CDKAL1: variants seen among roughly 807,000 people sequenced by gnomAD.
CDKAL1 encodes the protein threonylcarbamoyladenosine tRNA methylthiotransferase.
In CDKAL1, 32 loss-of-function variants were observed where a neutral mutation model predicts 68.2. That is an observed-to-expected ratio of 0.47 (90% CI 0.35 to 0.63). The LOEUF (loss-of-function observed/expected upper bound fraction) is 0.63, where lower values mean the gene tolerates loss of function less well. Ranked by LOEUF, CDKAL1 falls within the 30% of genes least tolerant of loss-of-function variation. The pLI is 0.00. For missense variants in CDKAL1, 606 were observed against 696.7 expected (o/e 0.87, Z 1.47); for synonymous variants, 234 against 244.3 (o/e 0.96, Z 0.39).
chr6:20,871,288 A>G (rs1183017838), intron 9 of CDKAL1, among the ~76,000 whole-genome samples: 3 of 152,184 alleles, frequency 2.0e-5, no homozygotes, highest in Middle Eastern at 3.2e-3. Flanking sequence ...TGTGTGTCTA[A>G]TAATTACCAT....
chr6:21,215,596 T>C (rs1433783220), intron 15 of CDKAL1, among the ~76,000 whole-genome samples: 1 of 152,114 alleles, frequency 6.6e-6, no homozygotes, highest in Admixed American at 6.6e-5. Flanking sequence ...TTTTAGGTAG[T>C]GAGTTGTAGA....
chr6:20,974,978 CAAAAAAAA>C lies in CDKAL1; in HGVS notation c.909+19409_909+19416del, dbSNP rs11330322. Reference sequence around the variant, plus strand: ...TGGGTGACAGAGGCAGACCCTATCTCAAAAAAAAAAAAAAAAAAAAAAAGGAAAGAAAC... The same window carrying C: ...TGGGTGACAGAGGCAGACCCTATCTCAAAAAAAAAAAAAAAGGAAAGAAAC... On this transcript the variant is annotated intron_variant, in intron 10 of 15. Transcript: ENST00000274695. Among the ~76,000 whole-genome samples, 3 of 62,914 alleles carry C rather than the reference CAAAAAAAA, an allele frequency of 4.8e-5. No individual in the cohort carries two copies. In the Admixed American group the frequency reaches 6.2e-4, roughly 13 times the overall value. The allele number at this position is 62,914 out of a possible 152,430, so 41.3% of individuals were successfully genotyped here. A position where few individuals can be genotyped will look rare whatever the true frequency, so the allele number is the denominator to read the frequency against.
rs540372585 is a variant in CDKAL1 at position 20,824,837 on chromosome 6, C to T, written c.639-21238C>T. The stretch of plus-strand genomic sequence containing the variant: ...GTCTGTTGTTAAGAGGCTCATATAA[C>T]ATTTTTATTAGAGCTATCTGTATAG... On this transcript the variant is annotated intron_variant, in intron 8 of 15. Coordinates refer to ENST00000274695, the MANE Select transcript of CDKAL1 (RefSeq NM_017774.3). 4.6e-5 allele frequency among the ~76,000 whole-genome samples: 7 copies of T among 152,214 alleles called. No individual in the cohort carries two copies. In the East Asian group the frequency reaches 1.4e-3, roughly 29 times the overall value.
At chr6:20,784,934 A>G (rs9348443) in intron 8 of CDKAL1, among the ~76,000 whole-genome samples, 63,190 of 152,020 alleles carry the variant, frequency 0.42, 13,581 homozygotes, top group South Asian at 0.5. Context: ...GCTTTAGGTA[A>G]CCATTTTCAA....
intron 8 of CDKAL1, among the ~76,000 whole-genome samples, chr6:20,784,468 G>C (rs1385150642): frequency 2.1e-5 from 2 of 96,562 alleles, no homozygotes; most frequent in African/African-American, 7.9e-5. Context: ...CTGTCACCCA[G>C]GCTGGAGTGC....
intron 10 of CDKAL1, among the ~76,000 whole-genome samples, chr6:20,992,153 A>G (rs1766856508): frequency 6.8e-6 from 1 of 147,244 alleles, no homozygotes; most frequent in South Asian, 2.1e-4. Flanking sequence ...TCAGCCTCCT[A>G]AATAGCTGGG....
At chr6:21,201,700 C>T (rs1440774826) in intron 15 of CDKAL1, among the ~76,000 whole-genome samples, 1 of 152,126 alleles carries the variant, frequency 6.6e-6, no homozygotes, top group Non-Finnish European at 1.5e-5. Flanking sequence ...ATCATATATG[C>T]AGTTATGGTG....
chr6:21,201,284 A>C lies in CDKAL1; in HGVS notation c.1548+10A>C, dbSNP rs754116285. 8 of 1,601,510 alleles carry C rather than the reference A, an allele frequency of 5.0e-6. No individual in the cohort carries two copies. The highest frequency in any genetic ancestry group is 1.1e-5 in the South Asian group (1 of 90,438). On this transcript the variant is annotated intron_variant, in intron 15 of 15. Coordinates refer to ENST00000274695, the MANE Select transcript of CDKAL1 (RefSeq NM_017774.3). ...CTCGGGTTTGACAAAGGTAAGTAAA[A>C]GATGCTCTCCTCTCTACCCTGCTAG...
At position 20,649,390 on chromosome 6, in the gene CDKAL1, T is replaced by A. The variant is rs1436037111; in HGVS notation, c.371+13T>A. The A allele has an allele frequency of 2.0e-6, 3 of 1,475,364 alleles. No homozygotes were observed. The Admixed American group carries it at 5.7e-5, about 28-fold the overall frequency. The allele number at this position is 1,475,364 out of a possible 1,614,324, so 91.4% of individuals were successfully genotyped here. A position where few individuals can be genotyped will look rare whatever the true frequency, so the allele number is the denominator to read the frequency against. ...GAAACTCAATTAAGTAAGTAGAAAT[T>A]GATTTTTTCCTATTTTGTATAATCA... On this transcript the variant is annotated intron_variant, in intron 5 of 15. Coordinates refer to ENST00000274695, the MANE Select transcript of CDKAL1 (RefSeq NM_017774.3).
At chr6:20,620,284 T>G (rs1767120089) in intron 4 of CDKAL1, among the ~76,000 whole-genome samples, 1 of 152,304 alleles carries the variant, frequency 6.6e-6, no homozygotes, top group South Asian at 2.1e-4. Flanking sequence ...CTCAAAGACT[T>G]TCTATTTTTA....
intron 13 of CDKAL1, among the ~76,000 whole-genome samples, chr6:21,135,007 A>C (rs1177057011): frequency 6.6e-6 from 1 of 152,148 alleles, no homozygotes; most frequent in Non-Finnish European, 1.5e-5. Context: ...TTGACAAACC[A>C]AACTATAAAG....
chr6:20,641,016 CT>C (rs1768148627), intron 4 of CDKAL1, among the ~76,000 whole-genome samples: 1 of 152,066 alleles, frequency 6.6e-6, no homozygotes, highest in African/African-American at 2.4e-5. Flanking sequence ...AATAATTTTT[CT>C]GTATATAAAG....
At chr6:21,162,499 G>T (rs1208145450) in intron 13 of CDKAL1, among the ~76,000 whole-genome samples, 2 of 152,202 alleles carry the variant, frequency 1.3e-5, no homozygotes, top group Non-Finnish European at 2.9e-5. Flanking sequence ...CTTGAGATTT[G>T]AGTTAGCAGA....
intron 8 of CDKAL1, among the ~76,000 whole-genome samples, chr6:20,823,540 T>C (rs1777375573): frequency 6.6e-6 from 1 of 152,228 alleles, no homozygotes; most frequent in Non-Finnish European, 1.5e-5. Context: ...CCAGTGCTCA[T>C]TTAATTTTAC....
chr6:20,904,517 C>T lies in CDKAL1; in HGVS notation c.743-50902C>T, dbSNP rs535438292. Among the ~76,000 whole-genome samples, 17 of 151,818 alleles carry T rather than the reference C, an allele frequency of 1.1e-4. No homozygotes were observed. The South Asian group carries it at 1.5e-3, about 13-fold the overall frequency. On this transcript the variant is annotated intron_variant, in intron 9 of 15. Coordinates refer to ENST00000274695, the MANE Select transcript of CDKAL1 (RefSeq NM_017774.3). ...AAAGTCACTACATGTGGGTCTGGCA[C>T]GGTGGCTCATACCTGTAATCCCAGC...
At chr6:20,656,026 AGTT>A (rs1466994860) in intron 5 of CDKAL1, among the ~76,000 whole-genome samples, 3 of 152,208 alleles carry the variant, frequency 2.0e-5, no homozygotes, top group Non-Finnish European at 4.4e-5. Context: ...CCTATCAATG[AGTT>A]GTAGATTCCA....
intron 8 of CDKAL1, among the ~76,000 whole-genome samples, chr6:20,793,639 C>T (rs1775991744): frequency 6.6e-6 from 1 of 151,698 alleles, no homozygotes; most frequent in Non-Finnish European, 1.5e-5. Context: ...GGAGATTTGT[C>T]ATCCAAATGT....
chr6:20,787,543 A>G (rs911849639), intron 8 of CDKAL1, among the ~76,000 whole-genome samples: 1 of 152,188 alleles, frequency 6.6e-6, no homozygotes, highest in East Asian at 1.9e-4. Context: ...ACGTTGGTGG[A>G]GTCCTCGTTG....
chr6:20,603,385 A>T (rs1250617362), intron 4 of CDKAL1, among the ~76,000 whole-genome samples: 1 of 152,208 alleles, frequency 6.6e-6, no homozygotes, highest in Non-Finnish European at 1.5e-5. Flanking sequence ...GGTATATAAG[A>T]GACCAAGGTT....
Sources: gnomAD v4.1 joint callset for allele counts (sites outside exome capture counted in the v4.1 genomes callset) on GRCh38, gnomAD v4.1.1 for gene constraint, MANE v1.5 for transcripts, NCBI Gene and HGNC (gene_info 2026-07-23, HGNC 2026-07-21) for gene names.